DMKN: variants seen among roughly 807,000 people sequenced by gnomAD.
The protein encoded by DMKN is epidermis-specific secreted protein SK30/SK89.
Under a neutral mutation model 67.6 loss-of-function variants are expected in DMKN, and 58 were observed. The ratio of observed to expected loss-of-function variants is 0.86; its 90% CI spans 0.69 to 1.07. DMKN has a LOEUF of 1.07. Ranked by LOEUF, DMKN falls within the 50% of genes least tolerant of loss-of-function variation. The pLI, the probability that DMKN is intolerant of heterozygous loss-of-function variation, is 0.00. For synonymous variants in DMKN, 240 were observed against 232.3 expected (o/e 1.03, Z -0.30); for missense variants, 596 against 601.5 (o/e 0.99, Z 0.10).
rs1037583609 is a variant in DMKN at position 35,503,407 on chromosome 19, T to C, written c.1135-521A>G. 1.1e-5 allele frequency: 17 copies of C among 1,551,042 alleles called. No individual in the cohort carries two copies. In the Admixed American group the frequency reaches 3.3e-4, roughly 30 times the overall value. ...GGGGGCTCCCATCCAATCTGGTGGCTCCTTGTCTGGAGGTCACGGGATGCG... is the reference window on the plus strand; with the variant it reads ...GGGGGCTCCCATCCAATCTGGTGGCCCCTTGTCTGGAGGTCACGGGATGCG... On this transcript the variant is annotated intron_variant, in intron 9 of 15. Transcript: ENST00000339686.
intron 7 of DMKN, chr19:35,507,689 G>A: frequency 3.4e-6 from 2 of 585,352 alleles, no homozygotes; most frequent in South Asian, 4.3e-5. Context: ...AGTTCCATCT[G>A]CCCTGAGATC....
intron 11 of DMKN, chr19:35,501,856 C>T: frequency 3.8e-6 from 6 of 1,585,166 alleles, no homozygotes; most frequent in Non-Finnish European, 5.1e-6. Flanking sequence ...AGGCCAGGCC[C>T]AGCAGGAGCA....
At chr19:35,512,348 C>T in intron 3 of DMKN, 73 bp downstream of exon 3, 5 of 1,568,046 alleles carry the variant, frequency 3.2e-6, no homozygotes, top group South Asian at 1.2e-5. Flanking sequence ...TTGCTTTCCT[C>T]TTTGTCTTTC....
intron 1 of DMKN, 32 bp downstream of exon 1, chr19:35,513,018 C>T (rs752800634): frequency 6.2e-7 from 1 of 1,608,874 alleles, no homozygotes; most frequent in Non-Finnish European, 8.5e-7. Flanking sequence ...CCACAGCCTC[C>T]CATTTCCACA....
chr19:35,505,863 G>A (rs1257778563), intron 8 of DMKN, 76 bp downstream of exon 8: 49 of 1,612,984 alleles, frequency 3.0e-5, no homozygotes, highest in Non-Finnish European at 8.5e-7. Flanking sequence ...TTAGAAAGAG[G>A]ACCCCAGACT....
chr19:35,512,849 C>G, intron 1 of DMKN, 59 bp from the exon 2 acceptor site: 1 of 1,571,626 alleles, frequency 6.4e-7, no homozygotes, highest in Non-Finnish European at 8.6e-7. Flanking sequence ...TAGAGAAGAG[C>G]CAGGGCAAAT....
chr19:35,503,324 T>C, intron 9 of DMKN: 3 of 1,537,040 alleles, frequency 2.0e-6, no homozygotes, highest in Non-Finnish European at 2.6e-6. Flanking sequence ...CTAAGGTTTA[T>C]TTCAAGGGCA....
chr19:35,503,772 GGC>G (rs2068891901), intron 9 of DMKN, among the ~76,000 whole-genome samples: 1 of 152,106 alleles, frequency 6.6e-6, no homozygotes, highest in African/African-American at 2.4e-5. Flanking sequence ...CACCGCGCCT[GGC>G]CAGAAATAGG....
chr19:35,511,455 T>G lies in DMKN; in HGVS notation c.874A>C (p.Asn292His), dbSNP rs1371287046. ...CTGTCACCTCTGCTGCCACCACTGT[T>G]GCCACTGCTGCCACCACTGCTGCCG... ...SGGSSGGSSG[N>H]SGGSRGDSGS... The change falls in exon 5 of 16, where the codon AAC becomes CAC. Residue 292 changes from asparagine to histidine, a missense_variant. By Grantham distance (68) the Asn-to-His change is moderately conservative. Coordinates refer to ENST00000339686, the MANE Select transcript of DMKN (RefSeq NM_033317.5). The G allele has an allele frequency of 6.4e-7, 1 of 1,558,152 alleles. No homozygotes were observed.
In DMKN at chr19:35,498,719, C is replaced by T. The variant is rs201569702; in HGVS notation, c.1428G>A (p.Trp476Ter). Reference sequence around the variant, plus strand: ...GTCGGCTCACTCTGACACTCACCTACCAAAACTTCACCCACTGCAGCAGGC... The same window carrying T: ...GTCGGCTCACTCTGACACTCACCTATCAAAACTTCACCCACTGCAGCAGGC... Reference protein sequence around the residue: ...QPGLLQWVKFW With the variant: ...QPGLLQWVKF The change falls in exon 15 of 16, where the codon TGG becomes TGA. Residue 476 changes from tryptophan to a stop codon, truncating the protein, a stop_gained. Coordinates refer to ENST00000339686, the MANE Select transcript of DMKN (RefSeq NM_033317.5). LOFTEE classifies it high-confidence loss of function. The T allele has an allele frequency of 4.3e-6, 7 of 1,614,080 alleles. No homozygotes were observed. Among genetic ancestry groups the T allele is most frequent in the Non-Finnish European group, 3.4e-6 (4 of 1,180,016 alleles).
At chr19:35,503,507 G>T in intron 9 of DMKN, 3 of 1,528,856 alleles carry the variant, frequency 2.0e-6, no homozygotes, top group Non-Finnish European at 2.6e-6. Flanking sequence ...ATGGAGTCTC[G>T]CTCTGTCGCC....
chr19:35,497,982 G>T (rs533432758), intron 15 of DMKN: 1 of 151,860 alleles, frequency 6.6e-6, no homozygotes, highest in Admixed American at 6.6e-5. Flanking sequence ...TCCAGACAGG[G>T]TCTCCCTCTG....
At chr19:35,503,013 T>C in intron 9 of DMKN, 127 bp from the exon 10 acceptor site, 2 of 1,145,812 alleles carry the variant, frequency 1.7e-6, no homozygotes, top group Non-Finnish European at 2.4e-6. Flanking sequence ...TGGGAGGAGC[T>C]GAGAGTCTTT....
At chr19:35,512,329 TC>T in intron 3 of DMKN, 91 bp downstream of exon 3, 1 of 1,513,962 alleles carries the variant, frequency 6.6e-7, no homozygotes, top group Non-Finnish European at 8.9e-7. Flanking sequence ...ATCCCTCCAC[TC>T]CCCCATCTTG....
chr19:35,497,694 T>G (rs1437212841), intron 15 of DMKN, 156 bp from the exon 16 acceptor site: 1 of 152,372 alleles, frequency 6.6e-6, no homozygotes, highest in Non-Finnish European at 1.5e-5. Context: ...AAAACAGAGT[T>G]TGTGGTTCTG....
chr19:35,511,872 G>A, intron 3 of DMKN, 59 bp from the exon 4 acceptor site: 1 of 1,554,344 alleles, frequency 6.4e-7, no homozygotes, highest in Non-Finnish European at 8.7e-7. Context: ...GTTGGCCTCG[G>A]CCATGGACAC....
At chr19:35,501,136 A>G (rs2293698) in intron 11 of DMKN, among the ~76,000 whole-genome samples, 90,124 of 152,028 alleles carry the variant, frequency 0.59, 28,479 homozygotes, top group African/African-American at 0.83. Flanking sequence ...CCCCAGCGCA[A>G]GAGGAGAAAC....
rs1183788432 is a variant in DMKN at position 35,507,200 on chromosome 19, T to A, written c.1039-1214A>T. The A allele has an allele frequency of 1.3e-5, 5 of 394,134 alleles. No individual in the cohort carries two copies. The East Asian group carries it at 2.2e-4, about 18-fold the overall frequency. The allele number at this position is 394,134 out of a possible 1,614,324, so 24.4% of individuals were successfully genotyped here. ...TAAGTATGGAAATCCCCTTGACCAT[T>A]CTTCTGTTACTTTTATCTGTTTTCT... On this transcript the variant is annotated intron_variant, in intron 7 of 15. Coordinates refer to ENST00000339686, the MANE Select transcript of DMKN (RefSeq NM_033317.5).
In DMKN at chr19:35,505,928, G is replaced by A. The variant is rs751675504; in HGVS notation, c.1086+11C>T. The stretch of plus-strand genomic sequence containing the variant: ...AAATGCGAGTGAACAGAGCCATCTC[G>A]CAGAACTCACCTTCCAGAAAGTGTC... On this transcript the variant is annotated intron_variant, in intron 8 of 15. Coordinates refer to ENST00000339686, the MANE Select transcript of DMKN (RefSeq NM_033317.5). 4.2e-5 allele frequency: 67 copies of A among 1,614,048 alleles called. No individual in the cohort carries two copies. The South Asian group carries it at 6.6e-4, about 16-fold the overall frequency.
Sources: allele counts gnomAD v4.1 joint callset (sites outside exome capture counted in the v4.1 genomes callset), GRCh38; gene constraint gnomAD v4.1.1; transcripts MANE v1.5; gene names NCBI Gene and HGNC (gene_info 2026-07-23, HGNC 2026-07-21).